ARSF: variants seen among roughly 807,000 people sequenced by gnomAD.
ARSF encodes arylsulfatase F.
A neutral mutation model predicts 35.4 loss-of-function variants in ARSF; 33 were observed. That is an observed-to-expected ratio of 0.93 (90% CI 0.71 to 1.25). The LOEUF (loss-of-function observed/expected upper bound fraction) is 1.25, where lower values mean the gene tolerates loss of function less well. ARSF is among the 50% of genes most tolerant of loss of function. The pLI, the probability that ARSF is intolerant of heterozygous loss-of-function variation, is 0.00. For synonymous variants in ARSF, 222 were observed against 193.1 expected, an observed-to-expected ratio of 1.15 and a Z score of -1.24; for missense variants, 501 against 480.2, an observed-to-expected ratio of 1.04 and a Z score of -0.40.
At chrX:3,070,958 TG>T (rs1193975076) in intron 2 of ARSF, among the ~76,000 whole-genome samples, 1 of 95,217 alleles carries the variant, frequency 1.1e-5, no homozygotes, top group Non-Finnish European at 2.1e-5. Flanking sequence ...TGTGTGTGTG[TG>T]TGTGTGTGTG....
intron 3 of ARSF, among the ~76,000 whole-genome samples, chrX:3,074,039 T>C (rs1263522136): frequency 9.0e-6 from 1 of 110,559 alleles, no homozygotes; most frequent in Non-Finnish European, 1.9e-5. Flanking sequence ...GTATGACTAA[T>C]AGATGCTGAA....
chrX:3,112,114 T>G (rs1158140003), intron 10 of ARSF, 60 bp from the exon 11 acceptor site: 8 of 1,045,408 alleles, frequency 7.7e-6, no homozygotes, highest in Non-Finnish European at 1.0e-5. Flanking sequence ...ACACTAGGAC[T>G]TCTTCCTTTG....
intron 1 of ARSF, among the ~76,000 whole-genome samples, chrX:3,064,499 A>G (rs2090054992): frequency 8.9e-6 from 1 of 111,916 alleles, no homozygotes; most frequent in Non-Finnish European, 1.9e-5. Flanking sequence ...AGAAACTACC[A>G]TCAGAGTGAA....
intron 9 of ARSF, among the ~76,000 whole-genome samples, chrX:3,109,783 G>A (rs2090432431): frequency 8.9e-6 from 1 of 112,211 alleles, no homozygotes; most frequent in African/African-American, 3.2e-5. Context: ...TTTTCAAAGG[G>A]TAGCAATATA....
intron 4 of ARSF, among the ~76,000 whole-genome samples, chrX:3,079,852 G>C (rs751030640): frequency 1.9e-5 from 2 of 106,035 alleles, no homozygotes; most frequent in Admixed American, 2.1e-4. Context: ...CCAGCTACTC[G>C]GGAGGCTGAG....
intron 4 of ARSF, among the ~76,000 whole-genome samples, chrX:3,076,952 G>T (rs1250485117): frequency 9.0e-6 from 1 of 111,518 alleles, no homozygotes; most frequent in Non-Finnish European, 1.9e-5. Context: ...AGGCTGAAGT[G>T]GGAGGATCGC....
intron 4 of ARSF, among the ~76,000 whole-genome samples, chrX:3,077,789 T>TTTATTATTATTATTATTA (rs760984034): frequency 0.078 from 7,149 of 92,135 alleles, 335 homozygotes; most frequent in East Asian, 0.23. Context: ...TTTTATTTTA[T>TTTATTATTATTATTATTA]TTATTATTAT....
At chrX:3,057,488 C>T (rs1159527894) in intron 1 of ARSF, among the ~76,000 whole-genome samples, 1 of 111,207 alleles carries the variant, frequency 9.0e-6, no homozygotes, top group African/African-American at 3.3e-5. Flanking sequence ...CAGCTGAAAT[C>T]GTCTAGGGAA....
At chrX:3,050,252 G>C (rs1423525137) in intron 1 of ARSF, among the ~76,000 whole-genome samples, 3 of 111,213 alleles carry the variant, frequency 2.7e-5, no homozygotes, top group Non-Finnish European at 3.8e-5. Flanking sequence ...AGAAGTTTAA[G>C]AAAAATTGAG....
chrX:3,075,390 A>ATCTCTCTGTCTC (rs1199813797), intron 3 of ARSF, among the ~76,000 whole-genome samples: 2 of 110,224 alleles, frequency 1.8e-5, no homozygotes. Context: ...TTATCTTCAG[A>ATCTCTCTGTCTC]TCTCTCTGTC....
chrX:3,081,641 T>G (rs972995390), intron 5 of ARSF, among the ~76,000 whole-genome samples: 6 of 111,838 alleles, frequency 5.4e-5, no homozygotes, highest in Admixed American at 1.9e-4. Flanking sequence ...CTAGTCTGAT[T>G]CTTCACACAG....
chrX:3,067,097 C>T (rs1227877163), intron 1 of ARSF, among the ~76,000 whole-genome samples: 2 of 107,981 alleles, frequency 1.9e-5, no homozygotes, highest in African/African-American at 6.8e-5. Context: ...TCTTCCCTCC[C>T]TCCCTCCCTT....
At chrX:3,075,943 G>A (rs111213474) in intron 3 of ARSF, among the ~76,000 whole-genome samples, 4,690 of 99,209 alleles carry the variant, frequency 0.047, 262 homozygotes, top group African/African-American at 0.16. Flanking sequence ...ATCTCTCCCT[G>A]TTTGTCTCTC....
At chrX:3,110,491 C>T (rs1007747196) in intron 10 of ARSF, among the ~76,000 whole-genome samples, 1 of 112,558 alleles carries the variant, frequency 8.9e-6, no homozygotes, top group Non-Finnish European at 1.9e-5. Flanking sequence ...TAAAACATCA[C>T]ATTGTGCATG....
chrX:3,070,639 C>T (rs1308089745), intron 2 of ARSF, among the ~76,000 whole-genome samples: 8 of 110,971 alleles, frequency 7.2e-5, no homozygotes, highest in Admixed American at 3.8e-4. Flanking sequence ...TGGATAAGTT[C>T]TTTAGTGGTG....
chrX:3,092,685 A>G (rs1241752594), intron 7 of ARSF, among the ~76,000 whole-genome samples: 1 of 112,587 alleles, frequency 8.9e-6, no homozygotes, highest in Non-Finnish European at 1.9e-5. Flanking sequence ...AGCCAGAATC[A>G]AGCCTTTAGG....
intron 4 of ARSF, 137 bp from the exon 5 acceptor site, chrX:3,080,754 C>T: frequency 1.3e-6 from 1 of 749,485 alleles, no homozygotes; most frequent in South Asian, 2.8e-5. Flanking sequence ...CCCTCCTGAC[C>T]TCATCCCCTC....
At chrX:3,111,163 A>G (rs2090442899) in intron 10 of ARSF, among the ~76,000 whole-genome samples, 1 of 109,604 alleles carries the variant, frequency 9.1e-6, no homozygotes, top group Admixed American at 9.8e-5. Flanking sequence ...GGAGATAAAA[A>G]AATATGTATT....
chrX:3,074,557 A>G (rs1041504645), intron 3 of ARSF, among the ~76,000 whole-genome samples: 1 of 111,495 alleles, frequency 9.0e-6, no homozygotes, highest in African/African-American at 3.3e-5. Context: ...TAATTGACGA[A>G]TTATAGTTCT....
Sources: allele counts gnomAD v4.1 joint callset (sites outside exome capture counted in the v4.1 genomes callset), GRCh38; gene constraint gnomAD v4.1.1; transcripts MANE v1.5; gene names NCBI Gene and HGNC (gene_info 2026-07-23, HGNC 2026-07-21).